Variants in GPT2 observed in about 807,000 individuals in gnomAD.
GPT2 encodes glutamic--pyruvic transaminase 2.
GPT2 carries 30 observed loss-of-function variants against 56.9 expected under a neutral mutation model. The observed-to-expected ratio is 0.53, with a 90% CI of 0.39 to 0.72. GPT2 has a LOEUF of 0.72. Among genes scored for constraint, GPT2 ranks in the 30% least tolerant of loss-of-function variants. The probability of loss-of-function intolerance (pLI) is 0.00; values close to 1 mark genes in which losing one functional copy is unlikely to be tolerated. For missense variants in GPT2, 542 were observed against 703.4 expected (o/e 0.77, Z 2.60); for synonymous variants, 271 against 283.1 (o/e 0.96, Z 0.43).
chr16:46,885,704 A>T (rs2143310021), intron 2 of GPT2: 1 of 205,164 alleles, frequency 4.9e-6, no homozygotes. Flanking sequence ...AGGTGAGCCC[A>T]CAGCCAGGAA....
intron 2 of GPT2, among the ~76,000 whole-genome samples, chr16:46,893,419 C>A (rs1272781928): frequency 6.6e-6 from 1 of 152,244 alleles, no homozygotes; most frequent in African/African-American, 2.4e-5. Flanking sequence ...GCTTGAATCA[C>A]CGTGCCTGAC....
intron 5 of GPT2, among the ~76,000 whole-genome samples, chr16:46,907,606 C>T (rs79115739): frequency 6.6e-6 from 1 of 152,152 alleles, no homozygotes; most frequent in East Asian, 1.9e-4. Flanking sequence ...GTGCTGGGAA[C>T]TGGAGATGCT....
intron 4 of GPT2, among the ~76,000 whole-genome samples, chr16:46,903,195 G>C (rs1357544652): frequency 6.6e-6 from 1 of 151,942 alleles, no homozygotes; most frequent in Non-Finnish European, 1.5e-5. Context: ...GTTGCAGTGA[G>C]CTGAGATCAT....
chr16:46,900,666 T>A lies in GPT2; in HGVS notation c.334-16T>A. The A allele has an allele frequency of 6.2e-7, 1 of 1,600,038 alleles. No individual in the cohort carries two copies. The highest frequency in any genetic ancestry group is 1.3e-5 in the African/African-American group (1 of 74,724). ...GTGGGGGTGCTGGGAGCTCAGCCTGTGTCTTGTTCCCCCAGGTGATGGCAC... is the reference window on the plus strand; with the variant it reads ...GTGGGGGTGCTGGGAGCTCAGCCTGAGTCTTGTTCCCCCAGGTGATGGCAC... On this transcript the variant is annotated splice_polypyrimidine_tract_variant and intron_variant, in intron 3 of 11. Transcript: ENST00000340124.
chr16:46,912,294 C>T (rs1249504445), intron 6 of GPT2, among the ~76,000 whole-genome samples: 2 of 152,180 alleles, frequency 1.3e-5, no homozygotes, highest in Non-Finnish European at 2.9e-5. Context: ...ACAGGAGCCT[C>T]GGTACCCTCC....
chr16:46,916,404 A>G, intron 6 of GPT2: 1 of 501,842 alleles, frequency 2.0e-6, no homozygotes, highest in Admixed American at 2.9e-5. Flanking sequence ...TCCCTCGCAT[A>G]ACTGGCTGAG....
chr16:46,915,069 C>T (rs1193430980), intron 6 of GPT2, among the ~76,000 whole-genome samples: 1 of 152,090 alleles, frequency 6.6e-6, no homozygotes, highest in Non-Finnish European at 1.5e-5. Context: ...AGCCATAAGC[C>T]ACCACACCTG....
At chr16:46,899,408 G>A (rs1044648786) in intron 3 of GPT2, among the ~76,000 whole-genome samples, 3 of 152,184 alleles carry the variant, frequency 2.0e-5, no homozygotes, top group African/African-American at 7.2e-5. Flanking sequence ...CCAGTTCCCT[G>A]TTCCCTGCCT....
Position 46,905,115 on chromosome 16 carries a change from G to A in GPT2, c.443-1727G>A, listed in dbSNP as rs568480657. On this transcript the variant is annotated intron_variant, in intron 4 of 11. Coordinates refer to ENST00000340124, the MANE Select transcript of GPT2 (RefSeq NM_133443.4). ...TCTGTCGCCCAGGCTGGAGTACAGT[G>A]GCGCAATCTTGGCTCACTGCAACCT... 1.4e-3 allele frequency among the ~76,000 whole-genome samples: 206 copies of A among 151,550 alleles called. 1 individual carries two copies. Among genetic ancestry groups the A allele is most frequent in the Middle Eastern group, 3.4e-3 (1 of 292 alleles).
intron 5 of GPT2, among the ~76,000 whole-genome samples, chr16:46,909,015 A>G (rs970423988): frequency 1.6e-4 from 25 of 151,876 alleles, no homozygotes; most frequent in Admixed American, 1.2e-3. Flanking sequence ...ATCTTCAACA[A>G]GCATCCTGCT....
rs752847570 is a variant in GPT2, at chr16:46,924,464, A to G, written c.1288A>G (p.Ile430Val). 6.8e-6 allele frequency: 11 copies of G among 1,614,110 alleles called. No individual in the cohort carries two copies. Among genetic ancestry groups the G allele is most frequent in the Non-Finnish European group, 9.3e-6 (11 of 1,180,042 alleles). ...AGACCTGTTTAACCAAGTCCCAGGA[A>G]TTCACTGCAACCCCTTGCAGGGGGC... Reference protein sequence around the residue: ...TEDLFNQVPGIHCNPLQGAMY... With the variant: ...TEDLFNQVPGVHCNPLQGAMY... The change falls in exon 10 of 12, where the codon ATT becomes GTT. Residue 430 changes from isoleucine (I) to valine (V), a missense_variant. Ile to Val is a conservative substitution (Grantham distance 29, BLOSUM62 3). Coordinates refer to ENST00000340124, the MANE Select transcript of GPT2 (RefSeq NM_133443.4).
chr16:46,902,375 G>C (rs1361221343), intron 4 of GPT2, among the ~76,000 whole-genome samples: 1 of 152,194 alleles, frequency 6.6e-6, no homozygotes, highest in African/African-American at 2.4e-5. Context: ...TTGCAAGGAA[G>C]GTTCATGTGT....
chr16:46,924,245 C>T (rs913688554), intron 9 of GPT2, 144 bp from the exon 10 acceptor site: 7 of 869,204 alleles, frequency 8.1e-6, no homozygotes, highest in Middle Eastern at 2.1e-4. Context: ...TCTGAGTCAA[C>T]GCATGGGTCA....
chr16:46,890,862 C>G (rs1271462584), intron 2 of GPT2, among the ~76,000 whole-genome samples: 1 of 152,050 alleles, frequency 6.6e-6, no homozygotes, highest in Non-Finnish European at 1.5e-5. Context: ...TTTGTTTTGG[C>G]TTTTTTTGTT....
At chr16:46,918,199 C>T (rs1422676540) in intron 7 of GPT2, among the ~76,000 whole-genome samples, 1 of 152,156 alleles carries the variant, frequency 6.6e-6, no homozygotes, top group Admixed American at 6.5e-5. Context: ...AAAGGAAACC[C>T]AACAGGGTTA....
Position 46,922,222 on chromosome 16 carries a change from C to A in GPT2, c.1038-20C>A. Reference sequence around the variant, plus strand: ...GTCTTTCTATAACTGGTGGTCCTCTCCCTCTCTTTGGCCCTCCAGGTGTGG... The same window carrying A: ...GTCTTTCTATAACTGGTGGTCCTCTACCTCTCTTTGGCCCTCCAGGTGTGG... On this transcript the variant is annotated intron_variant, in intron 8 of 11. Coordinates refer to ENST00000340124, the MANE Select transcript of GPT2 (RefSeq NM_133443.4). The A allele has an allele frequency of 6.2e-7, 1 of 1,611,480 alleles. No homozygotes were observed. The highest frequency in any genetic ancestry group is 1.7e-4 in the Middle Eastern group (1 of 6,054).
At chr16:46,886,328 A>G (rs1030257844) in intron 2 of GPT2, among the ~76,000 whole-genome samples, 6 of 152,168 alleles carry the variant, frequency 3.9e-5, no homozygotes, top group African/African-American at 1.4e-4. Context: ...ATCACGTTAC[A>G]GCTGATTTCT....
At chr16:46,903,440 C>T (rs1056959477) in intron 4 of GPT2, among the ~76,000 whole-genome samples, 1 of 151,730 alleles carries the variant, frequency 6.6e-6, no homozygotes, top group Non-Finnish European at 1.5e-5. Context: ...TCCCAAGTAG[C>T]TGGGACTACA....
chr16:46,889,643 C>T lies in GPT2; in HGVS notation c.243+4685C>T, dbSNP rs368517693. 4.6e-5 allele frequency among the ~76,000 whole-genome samples: 7 copies of T among 152,332 alleles called. No individual in the cohort carries two copies. The East Asian group carries it at 7.7e-4, about 17-fold the overall frequency. ...CTGCCCAAGTCAGTCACCACACATA[C>T]GCTGGGCTCTGCCTTTGTGTGCTAT... On this transcript the variant is annotated intron_variant, in intron 2 of 11. Coordinates refer to ENST00000340124, the MANE Select transcript of GPT2 (RefSeq NM_133443.4).
Sources: gnomAD v4.1 joint callset for allele counts (sites outside exome capture counted in the v4.1 genomes callset) on GRCh38, gnomAD v4.1.1 for gene constraint, MANE v1.5 for transcripts, NCBI Gene and HGNC (gene_info 2026-07-23, HGNC 2026-07-21) for gene names.